Variants in MINDY2 observed in about 807,000 individuals in gnomAD.
The protein encoded by MINDY2 is ubiquitin carboxyl-terminal hydrolase MINDY-2.
Under a neutral mutation model 68.2 loss-of-function variants are expected in MINDY2, and 52 were observed. The ratio of observed to expected loss-of-function variants is 0.76; its 90% CI spans 0.61 to 0.96. The LOEUF (loss-of-function observed/expected upper bound fraction) is 0.96. Among genes scored for constraint, MINDY2 ranks in the 40% least tolerant of loss-of-function variants. The pLI, the probability that MINDY2 is intolerant of heterozygous loss-of-function variation, is 0.00. For synonymous variants in MINDY2, 372 were observed against 303.0 expected (o/e 1.23, Z -2.36); for missense variants, 881 against 773.4 (o/e 1.14, Z -1.65).
chr15:58,846,115 C>G (rs1449032695), intron 6 of MINDY2, among the ~76,000 whole-genome samples: 2 of 143,560 alleles, frequency 1.4e-5, no homozygotes, highest in African/African-American at 5.1e-5. Flanking sequence ...AAAGAAAAAA[C>G]AGAATGATTG....
rs112936799 is a variant in MINDY2, at chr15:58,785,776, A to G, written c.841-2130A>G. 9.0e-3 allele frequency among the ~76,000 whole-genome samples: 1,375 copies of G among 152,224 alleles called. 20 individuals are homozygous for G. Among genetic ancestry groups the G allele is most frequent in the African/African-American group, 0.031 (1,293 of 41,524 alleles). On this transcript the variant is annotated intron_variant, in intron 1 of 8. Coordinates refer to ENST00000559228, the MANE Select transcript of MINDY2 (RefSeq NM_001040450.3). Reference sequence around the variant, plus strand: ...ACTGAAGCCTCCGCCTCCCGGGTTCAAGCAATTCTCCTGCCTCAGTCTCCC... The same window carrying G: ...ACTGAAGCCTCCGCCTCCCGGGTTCGAGCAATTCTCCTGCCTCAGTCTCCC...
intron 1 of MINDY2, among the ~76,000 whole-genome samples, chr15:58,783,216 C>T (rs1901275146): frequency 6.6e-6 from 1 of 151,994 alleles, no homozygotes; most frequent in Non-Finnish European, 1.5e-5. Flanking sequence ...CGACTCTGCC[C>T]GGCCCCTGAC....
Position 58,802,336 on chromosome 15 carries a change from C to G in MINDY2, c.922C>G (p.Pro308Ala). The G allele has an allele frequency of 6.3e-7, 1 of 1,580,646 alleles. No homozygotes were observed. The highest frequency in any genetic ancestry group is 8.6e-7 in the Non-Finnish European group (1 of 1,166,042). The change falls in exon 3 of 9, where the codon CCA (proline) becomes GCA (alanine). Residue 308 changes from proline (P) to alanine (A), a missense_variant. Transcript: ENST00000559228. ...YLGDYMLDAK[P>A]KEISEIQRLN... is the part of the protein sequence containing the mutation. ...AGGAGATTACATGCTTGATGCAAAG[C>G]CAAAAGAAATTTCAGAAATTCAACG...
chr15:58,792,784 A>G (rs1386958074), intron 2 of MINDY2, among the ~76,000 whole-genome samples: 1 of 152,208 alleles, frequency 6.6e-6, no homozygotes, highest in Non-Finnish European at 1.5e-5. Context: ...TGAACCCTGA[A>G]ACTTTTAAGT....
intron 7 of MINDY2, among the ~76,000 whole-genome samples, chr15:58,849,278 CG>C (rs2032698443): frequency 6.6e-6 from 1 of 150,806 alleles, no homozygotes; most frequent in Non-Finnish European, 1.5e-5. Context: ...CAAGGCGGGC[CG>C]ATCACGAGGT....
At chr15:58,802,431 TG>T in intron 3 of MINDY2, 54 bp downstream of exon 3, 1 of 1,170,612 alleles carries the variant, frequency 8.5e-7, no homozygotes, top group Non-Finnish European at 1.2e-6. Context: ...ATATATACAT[TG>T]GTTTCTATTA....
chr15:58,835,482 G>A (rs1350274518), intron 6 of MINDY2, among the ~76,000 whole-genome samples: 4 of 152,054 alleles, frequency 2.6e-5, no homozygotes, highest in South Asian at 2.1e-4. Context: ...GTGAAACCCC[G>A]TCTTTACTAA....
At chr15:58,806,414 G>T (rs1446043002) in intron 3 of MINDY2, among the ~76,000 whole-genome samples, 1 of 144,820 alleles carries the variant, frequency 6.9e-6, no homozygotes, top group East Asian at 2.0e-4. Flanking sequence ...CTGGTTTGCC[G>T]TGGTGCTATC....
intron 5 of MINDY2, among the ~76,000 whole-genome samples, chr15:58,827,862 C>G (rs1165415259): frequency 2.6e-5 from 4 of 152,126 alleles, no homozygotes; most frequent in African/African-American, 7.2e-5. Flanking sequence ...TCTTTTGTAT[C>G]TCCTCATCTT....
At chr15:58,852,622 T>A (rs2032876811) in intron 8 of MINDY2, among the ~76,000 whole-genome samples, 1 of 152,182 alleles carries the variant, frequency 6.6e-6, no homozygotes, top group Admixed American at 6.5e-5. Flanking sequence ...CTGTCTCTCC[T>A]TCTAGTTGCA....
intron 2 of MINDY2, among the ~76,000 whole-genome samples, chr15:58,799,212 A>ATTT (rs1414999131): frequency 2.0e-4 from 31 of 152,328 alleles, no homozygotes; most frequent in African/African-American, 7.5e-4. Context: ...TTTCTAAGCT[A>ATTT]TTTAGATGTT....
chr15:58,815,714 A>C (rs2030638552), intron 4 of MINDY2: 1 of 149,838 alleles, frequency 6.7e-6, no homozygotes, highest in African/African-American at 2.5e-5. Flanking sequence ...ACAGAGTCTC[A>C]CTCTGTCGCC....
chr15:58,815,180 A>C (rs1342640621), intron 4 of MINDY2: 3 of 152,112 alleles, frequency 2.0e-5, no homozygotes, highest in Non-Finnish European at 4.4e-5. Context: ...CAGTTGTCCT[A>C]GTACCATTTG....
chr15:58,809,475 A>T (rs1489861251), intron 3 of MINDY2, among the ~76,000 whole-genome samples: 2 of 152,000 alleles, frequency 1.3e-5, no homozygotes, highest in African/African-American at 4.8e-5. Context: ...TTCATTTGTC[A>T]GTTGTAACTA....
intron 5 of MINDY2, among the ~76,000 whole-genome samples, chr15:58,822,786 A>G (rs1345596928): frequency 6.6e-6 from 1 of 152,224 alleles, no homozygotes; most frequent in East Asian, 1.9e-4. Context: ...TCTTTCAAAA[A>G]TATACATAAA....
At chr15:58,854,371 TC>T (rs2032977542) in intron 8 of MINDY2, 110 bp from the exon 9 acceptor site, 1 of 1,247,652 alleles carries the variant, frequency 8.0e-7, no homozygotes, top group African/African-American at 1.5e-5. Flanking sequence ...ATAGCTAGCT[TC>T]TTTTTCCATC....
At chr15:58,793,019 A>G (rs1376055749) in intron 2 of MINDY2, among the ~76,000 whole-genome samples, 1 of 152,140 alleles carries the variant, frequency 6.6e-6, no homozygotes, top group Non-Finnish European at 1.5e-5. Flanking sequence ...ATGAAAGTTT[A>G]AAAAAACCAG....
intron 6 of MINDY2, among the ~76,000 whole-genome samples, chr15:58,838,454 A>G (rs1335776024): frequency 6.6e-6 from 1 of 152,074 alleles, no homozygotes; most frequent in Non-Finnish European, 1.5e-5. Context: ...TAGATAGAAT[A>G]CTTTTCCACT....
At chr15:58,809,194 A>T (rs1276966662) in intron 3 of MINDY2, among the ~76,000 whole-genome samples, 2 of 152,210 alleles carry the variant, frequency 1.3e-5, no homozygotes, top group Non-Finnish European at 2.9e-5. Flanking sequence ...CCTGGGCAAC[A>T]GAGTGAGACC....
Sources: gnomAD v4.1 joint callset for allele counts (sites outside exome capture counted in the v4.1 genomes callset) on GRCh38, gnomAD v4.1.1 for gene constraint, MANE v1.5 for transcripts, NCBI Gene and HGNC (gene_info 2026-07-23, HGNC 2026-07-21) for gene names.